The following PSD3 variants were observed in gnomAD, a reference collection of about 807,000 sequenced individuals.
PSD3 encodes the protein PH and SEC7 domain-containing protein 3.
A neutral mutation model predicts 105.5 loss-of-function variants in PSD3; 49 were observed. The observed-to-expected ratio is 0.46, with a 90% CI of 0.37 to 0.59. The LOEUF is 0.59. Among genes scored for constraint, PSD3 ranks in the 20% least tolerant of loss-of-function variants. The pLI, the probability that PSD3 is intolerant of heterozygous loss-of-function variation, is 0.00. For synonymous variants in PSD3, 557 were observed against 457.8 expected, an observed-to-expected ratio of 1.22 and a Z score of -2.77; for missense variants, 1,561 against 1,263.8, an observed-to-expected ratio of 1.24 and a Z score of -3.57.
chr8:18,865,275 TATATATATA>T (rs1816828903), intron 4 of PSD3: 3 of 3,834 alleles, frequency 7.8e-4, no homozygotes, highest in African/African-American at 1.2e-3. Context: ...TATATATATA[TATATATATA>T]TATTTTTTTT....
intron 8 of PSD3, among the ~76,000 whole-genome samples, chr8:18,789,595 A>G (rs571925581): frequency 6.6e-6 from 1 of 152,338 alleles, no homozygotes; most frequent in South Asian, 2.1e-4. Context: ...AAGTTTTAGA[A>G]TACTGAAATA....
intron 1 of PSD3, among the ~76,000 whole-genome samples, chr8:19,072,889 G>A (rs376041788): frequency 3.3e-5 from 5 of 152,170 alleles, no homozygotes; most frequent in South Asian, 2.1e-4. Flanking sequence ...TCAAGTGAAC[G>A]TGAAAATGCA....
At chr8:18,581,382 G>C (rs538817556) in intron 12 of PSD3, among the ~76,000 whole-genome samples, 1 of 151,900 alleles carries the variant, frequency 6.6e-6, no homozygotes, top group Admixed American at 6.5e-5. Flanking sequence ...TGGGCTCAGG[G>C]GCACTGCAAG....
intron 9 of PSD3, among the ~76,000 whole-genome samples, chr8:18,693,818 T>G (rs1431378022): frequency 6.6e-6 from 1 of 152,238 alleles, no homozygotes; most frequent in Non-Finnish European, 1.5e-5. Context: ...CTGATGACCT[T>G]TCAATAGATT....
intron 1 of PSD3, among the ~76,000 whole-genome samples, chr8:18,982,559 T>G (rs1397580275): frequency 1.3e-5 from 2 of 152,194 alleles, no homozygotes; most frequent in African/African-American, 4.8e-5. Context: ...GACTCAAAAG[T>G]CAAAATTACT....
chr8:18,871,693 C>T lies in PSD3; in HGVS notation c.1171G>A (p.Glu391Lys). The T allele has an allele frequency of 6.2e-7, 1 of 1,614,064 alleles. No homozygotes were observed. The highest frequency in any genetic ancestry group is 1.7e-5 in the Admixed American group (1 of 60,012). The stretch of plus-strand genomic sequence containing the variant: ...TGTTTGTTTTCCTGTAGGAAGACTT[C>T]ATCCTCTCCACTCTCATCAAGACGC... Reference protein sequence around the residue: ...PVRLDESGEDEVFLQENKQHL... With the variant: ...PVRLDESGEDKVFLQENKQHL... The change falls in exon 3 of 16, where the codon GAA becomes AAA. Residue 391 changes from glutamate to lysine, a missense_variant. By Grantham distance (56) the Glu-to-Lys change is moderately conservative (BLOSUM62 1). Transcript: ENST00000327040.
At chr8:18,766,327 G>A (rs956183289) in intron 8 of PSD3, among the ~76,000 whole-genome samples, 3 of 152,092 alleles carry the variant, frequency 2.0e-5, no homozygotes, top group African/African-American at 4.8e-5. Flanking sequence ...GAGTGCAACT[G>A]TATCTCAAAA....
intron 1 of PSD3, among the ~76,000 whole-genome samples, chr8:19,055,012 G>C (rs1228023985): frequency 1.3e-5 from 2 of 152,080 alleles, no homozygotes; most frequent in African/African-American, 4.8e-5. Flanking sequence ...ACTTCTCCTA[G>C]ACAATGTGAG....
intron 9 of PSD3, among the ~76,000 whole-genome samples, chr8:18,759,225 A>T (rs539302928): frequency 2.2e-4 from 34 of 152,142 alleles, no homozygotes; most frequent in Non-Finnish European, 3.8e-4. Context: ...AAAAATTTAA[A>T]GAATATTCTA....
In PSD3 at chr8:18,893,199, G is replaced by GGAATCA. The variant is rs1223292429; in HGVS notation, c.131-20472_131-20467dup. Among the ~76,000 whole-genome samples the GGAATCA allele has an allele frequency of 8.5e-5, 13 of 152,274 alleles. No individual in the cohort carries two copies. In the East Asian group the frequency reaches 1.7e-3, roughly 20 times the overall value. Reference sequence around the variant, plus strand: ...TTTCGCCATGTACTGAGCCTGGGATGGAATCAGAATCACAGGGTGCGGGGT... The same window carrying GGAATCA: ...TTTCGCCATGTACTGAGCCTGGGATGGAATCAGAATCAGAATCACAGGGTGCGGGGT... On this transcript the variant is annotated intron_variant, in intron 2 of 15. Coordinates refer to ENST00000327040, the MANE Select transcript of PSD3 (RefSeq NM_015310.4).
At chr8:18,602,720 T>G (rs575717498) in intron 11 of PSD3, among the ~76,000 whole-genome samples, 1 of 152,202 alleles carries the variant, frequency 6.6e-6, no homozygotes, top group East Asian at 1.9e-4. Context: ...AAGGGACTAC[T>G]GTGCACTAAA....
At chr8:18,727,558 A>ACACG (rs1180209121) in intron 9 of PSD3, among the ~76,000 whole-genome samples, 4 of 131,008 alleles carry the variant, frequency 3.1e-5, no homozygotes, top group African/African-American at 1.3e-4. Flanking sequence ...CCAAACACAC[A>ACACG]CACACACACA....
chr8:18,750,166 G>A (rs1563222223), intron 9 of PSD3, among the ~76,000 whole-genome samples: 1 of 152,144 alleles, frequency 6.6e-6, no homozygotes, highest in Non-Finnish European at 1.5e-5. Context: ...AAGTCTCAGT[G>A]GGCATTAGAA....
chr8:18,950,693 T>C (rs1025597697), intron 1 of PSD3, among the ~76,000 whole-genome samples: 3 of 152,178 alleles, frequency 2.0e-5, no homozygotes, highest in African/African-American at 7.2e-5. Context: ...ACCCCATAAA[T>C]ATATACAACT....
At position 18,616,618 on chromosome 8, in the gene PSD3, C is replaced by CTTTTTTTTTT. The variant is rs36197855; in HGVS notation, c.2410+15994_2410+15995insAAAAAAAAAA. On this transcript the variant is annotated intron_variant, in intron 11 of 15. Coordinates refer to ENST00000327040, the MANE Select transcript of PSD3 (RefSeq NM_015310.4). ...TGCTAGCCAGGCCTCATCTTCCTCT[C>CTTTTTTTTTT]TTTTCTTTTCTTTTTTTTTTTTTGA... is the stretch of plus-strand genomic sequence containing the variant. Among the ~76,000 whole-genome samples, 181 of 72,194 alleles carry CTTTTTTTTTT rather than the reference C, an allele frequency of 2.5e-3. 17 individuals carry two copies. Among genetic ancestry groups the CTTTTTTTTTT allele is most frequent in the South Asian group, 3.2e-3 (8 of 2,482 alleles). 47.4% of individuals were successfully genotyped at this position (72,194 alleles called of 152,430 possible). A position where few individuals can be genotyped will look rare whatever the true frequency, so the allele number is the denominator to read the frequency against.
At chr8:18,893,091 A>AT (rs1818917197) in intron 2 of PSD3, among the ~76,000 whole-genome samples, 1 of 152,212 alleles carries the variant, frequency 6.6e-6, no homozygotes, top group African/African-American at 2.4e-5. Context: ...AAGTACCAGC[A>AT]TCAAATTGCA....
chr8:18,768,928 A>T (rs1807257607), intron 8 of PSD3, among the ~76,000 whole-genome samples: 1 of 152,162 alleles, frequency 6.6e-6, no homozygotes, highest in Non-Finnish European at 1.5e-5. Context: ...TATTTCTCAT[A>T]AGTTAAATAA....
intron 1 of PSD3, among the ~76,000 whole-genome samples, chr8:18,989,004 G>C (rs139503065): frequency 1.3e-5 from 2 of 152,308 alleles, no homozygotes; most frequent in East Asian, 1.9e-4. Context: ...CTGCATGGTC[G>C]GGACTCCAGG....
intron 1 of PSD3, among the ~76,000 whole-genome samples, chr8:19,027,799 T>A (rs894551822): frequency 7.2e-5 from 11 of 152,246 alleles, no homozygotes; most frequent in Non-Finnish European, 1.3e-4. Context: ...TATTGGACAG[T>A]GTTCCATTGT....
Sources: gnomAD v4.1 joint callset for allele counts (sites outside exome capture counted in the v4.1 genomes callset) on GRCh38, gnomAD v4.1.1 for gene constraint, MANE v1.5 for transcripts, NCBI Gene and HGNC (gene_info 2026-07-23, HGNC 2026-07-21) for gene names.